Variants in ZNF609 observed in about 807,000 individuals in gnomAD.
The protein encoded by ZNF609 is zinc finger protein 609.
ZNF609 carries 11 observed loss-of-function variants against 109.5 expected under a neutral mutation model. The observed-to-expected ratio is 0.10, with a 90% confidence interval of 0.06 to 0.17. The LOEUF (loss-of-function observed/expected upper bound fraction) is 0.17. ZNF609 is among the 10% of genes least tolerant of loss of function. The pLI is 1.00. For missense variants in ZNF609, 1,559 were observed against 1,772.4 expected (o/e 0.88, Z 2.16); for synonymous variants, 646 against 662.0 (o/e 0.98, Z 0.37).
At chr15:64,668,154 C>A (rs940715942) in intron 3 of ZNF609, among the ~76,000 whole-genome samples, 2 of 152,102 alleles carry the variant, frequency 1.3e-5, no homozygotes, top group Non-Finnish European at 2.9e-5. Flanking sequence ...ACATTCCACT[C>A]AATATGAGGC....
chr15:64,681,282 C>A, intron 8 of ZNF609, 27 bp from the exon 9 acceptor site: 1 of 1,609,616 alleles, frequency 6.2e-7, no homozygotes, highest in Non-Finnish European at 8.5e-7. Context: ...GTGAGTGCTA[C>A]ACTAACATGT....
chr15:64,557,190 CTTT>C (rs11307309), intron 2 of ZNF609, among the ~76,000 whole-genome samples: 19 of 141,574 alleles, frequency 1.3e-4, no homozygotes, highest in Non-Finnish European at 1.4e-4. Context: ...TCTTATTCTT[CTTT>C]TTTTTTTTTT....
chr15:64,473,240 C>A (rs1893116542), intron 1 of ZNF609, among the ~76,000 whole-genome samples: 1 of 141,812 alleles, frequency 7.1e-6, no homozygotes, highest in South Asian at 2.2e-4. Context: ...GCTCTGTCGC[C>A]CAGGCTGGAG....
chr15:64,503,177 A>G (rs1893586239), intron 2 of ZNF609: 1 of 152,006 alleles, frequency 6.6e-6, no homozygotes, highest in Non-Finnish European at 1.5e-5. Context: ...ATTTCCCTTC[A>G]TGGGATCCCA....
At chr15:64,571,051 C>T (rs1404469622) in intron 2 of ZNF609, among the ~76,000 whole-genome samples, 1 of 152,080 alleles carries the variant, frequency 6.6e-6, no homozygotes, top group Non-Finnish European at 1.5e-5. Flanking sequence ...AGCATATGAT[C>T]TATATGGACA....
chr15:64,585,268 C>T (rs1199760030), intron 2 of ZNF609, among the ~76,000 whole-genome samples: 1 of 151,816 alleles, frequency 6.6e-6, no homozygotes, highest in African/African-American at 2.4e-5. Context: ...GTGGTTGCAG[C>T]GAGCCAAGAT....
At chr15:64,542,945 G>C (rs1285049361) in intron 2 of ZNF609, among the ~76,000 whole-genome samples, 1 of 152,100 alleles carries the variant, frequency 6.6e-6, no homozygotes, top group East Asian at 1.9e-4. Context: ...GTTCCAGTGA[G>C]AACACATGGA....
chr15:64,491,674 C>A (rs1403538308), intron 1 of ZNF609, among the ~76,000 whole-genome samples: 1 of 151,792 alleles, frequency 6.6e-6, no homozygotes, highest in Non-Finnish European at 1.5e-5. Context: ...TGGTGAAACC[C>A]CATCCCTCTC....
chr15:64,614,745 A>G (rs1895771563), intron 2 of ZNF609, among the ~76,000 whole-genome samples: 1 of 146,808 alleles, frequency 6.8e-6, no homozygotes, highest in Non-Finnish European at 1.5e-5. Context: ...TATTAACATT[A>G]CTGATGTTGA....
intron 2 of ZNF609, among the ~76,000 whole-genome samples, chr15:64,545,191 A>G (rs960791697): frequency 3.3e-5 from 5 of 151,846 alleles, no homozygotes; most frequent in African/African-American, 9.7e-5. Context: ...AGTATGCAGT[A>G]TACAGGATTT....
In ZNF609 at chr15:64,499,361, A is replaced by G. The variant is rs1158963466; in HGVS notation, c.-59A>G. The G allele has an allele frequency of 4.5e-6, 7 of 1,571,188 alleles. No individual in the cohort carries two copies. The East Asian group carries it at 1.6e-4, about 35-fold the overall frequency. On this transcript the variant is annotated 5_prime_UTR_variant, in exon 2 of 10. Transcript: ENST00000326648. ...TCTGAGAACATAGCTGAAGCTGAAA[A>G]TAGGAAAGCTGGGGGCAAGGAAGAG...
rs759440173 is a variant in ZNF609 at position 64,488,917 on chromosome 15, AGAAAGAAAG to A, written c.-127-10375_-127-10367del. On this transcript the variant is annotated intron_variant, in intron 1 of 9. Coordinates refer to ENST00000326648, the MANE Select transcript of ZNF609 (RefSeq NM_015042.2). ...GAGAGACTTTGTTTCTACAAAAAAAAGAAAGAAAGAAAGAAAGAAAGAAAGAAACAATTA... is the reference window on the plus strand; with the variant it reads ...GAGAGACTTTGTTTCTACAAAAAAAAAAAGAAAGAAAGAAAGAAACAATTA... Among the ~76,000 whole-genome samples, 217 of 142,334 alleles carry A rather than the reference AGAAAGAAAG, an allele frequency of 1.5e-3. 2 individuals are homozygous for A. The highest frequency in any genetic ancestry group is 2.4e-3 in the Non-Finnish European group (163 of 67,014). 93.4% of individuals were successfully genotyped at this position (142,334 alleles called of 152,430 possible). A position where few individuals can be genotyped will look rare whatever the true frequency, so the allele number is the denominator to read the frequency against.
At chr15:64,582,092 C>G (rs1895112878) in intron 2 of ZNF609, among the ~76,000 whole-genome samples, 1 of 152,184 alleles carries the variant, frequency 6.6e-6, no homozygotes, top group Admixed American at 6.5e-5. Flanking sequence ...TCTATCCTGT[C>G]TCAGCTACTA....
intron 2 of ZNF609, among the ~76,000 whole-genome samples, chr15:64,514,302 T>G (rs190961423): frequency 1.3e-5 from 2 of 152,344 alleles, no homozygotes; most frequent in East Asian, 3.9e-4. Flanking sequence ...GAGCAAATCT[T>G]AGGATCCAGA....
At chr15:64,588,865 T>G (rs1398527281) in intron 2 of ZNF609, among the ~76,000 whole-genome samples, 1 of 152,124 alleles carries the variant, frequency 6.6e-6, no homozygotes, top group Non-Finnish European at 1.5e-5. Context: ...CTCGAACTCC[T>G]GACCTCGGGT....
intron 2 of ZNF609, among the ~76,000 whole-genome samples, chr15:64,540,917 A>G (rs1894242667): frequency 6.7e-6 from 1 of 149,910 alleles, no homozygotes; most frequent in Non-Finnish European, 1.5e-5. Flanking sequence ...AGTCCCAGCT[A>G]CTTGGGAGGC....
At chr15:64,536,772 G>T (rs527903125) in intron 2 of ZNF609, among the ~76,000 whole-genome samples, 5 of 151,444 alleles carry the variant, frequency 3.3e-5, no homozygotes, top group Middle Eastern at 3.2e-3. Flanking sequence ...TGGCATGCAG[G>T]CCTGTCCCAT....
intron 2 of ZNF609, among the ~76,000 whole-genome samples, chr15:64,570,581 G>C (rs941029872): frequency 1.3e-5 from 2 of 152,238 alleles, no homozygotes; most frequent in Non-Finnish European, 2.9e-5. Flanking sequence ...ATATTTTGAT[G>C]ATTATGGTCA....
chr15:64,534,317 AT>A (rs879896405), intron 2 of ZNF609, among the ~76,000 whole-genome samples: 125 of 118,852 alleles, frequency 1.1e-3, no homozygotes, highest in Middle Eastern at 6.8e-3. Context: ...AGCATTATTT[AT>A]TTTTTTTTTT....
Sources: allele counts gnomAD v4.1 joint callset (sites outside exome capture counted in the v4.1 genomes callset), GRCh38; gene constraint gnomAD v4.1.1; transcripts MANE v1.5; gene names NCBI Gene and HGNC (gene_info 2026-07-23, HGNC 2026-07-21).